Variants in DPYD observed in about 807,000 individuals in gnomAD.
DPYD encodes the protein dihydropyrimidine dehydrogenase, also known as dihydropyrimidine dehydrogenase [NADP(+)].
A neutral mutation model predicts 116.2 loss-of-function variants in DPYD; 109 were observed. The observed-to-expected ratio is 0.94, with a 90% CI of 0.80 to 1.10. The LOEUF (loss-of-function observed/expected upper bound fraction) is 1.10, where lower values mean the gene tolerates loss of function less well. DPYD is among the 50% of genes least tolerant of loss of function. DPYD has a pLI of 0.00. For missense variants in DPYD, 1,302 were observed against 1,254.5 expected (o/e 1.04, Z -0.57); for synonymous variants, 440 against 432.0 (o/e 1.02, Z -0.23).
chr1:97,846,071 T>C (rs1229125698), intron 2 of DPYD, among the ~76,000 whole-genome samples: 1 of 152,142 alleles, frequency 6.6e-6, no homozygotes, highest in Non-Finnish European at 1.5e-5. Flanking sequence ...AGACTGGTGG[T>C]GCGAGCCGAG....
At chr1:97,836,164 T>C (rs1345701006) in intron 2 of DPYD, among the ~76,000 whole-genome samples, 1 of 152,142 alleles carries the variant, frequency 6.6e-6, no homozygotes. Context: ...GTATCAGGGA[T>C]GGGGTGCGGG....
At chr1:97,610,457 T>C (rs1011371237) in intron 8 of DPYD, among the ~76,000 whole-genome samples, 2 of 152,052 alleles carry the variant, frequency 1.3e-5, no homozygotes, top group East Asian at 3.9e-4. Flanking sequence ...AAGGAGATTA[T>C]AGATTTGCAT....
At chr1:97,912,603 T>C (rs1322977405) in intron 1 of DPYD, among the ~76,000 whole-genome samples, 3 of 152,094 alleles carry the variant, frequency 2.0e-5, no homozygotes, top group Non-Finnish European at 4.4e-5. Context: ...TTGATTTTAG[T>C]TTTTTGTATG....
chr1:97,721,817 G>C, intron 4 of DPYD, 146 bp from the exon 5 acceptor site: 1 of 735,776 alleles, frequency 1.4e-6, no homozygotes, highest in Non-Finnish European at 2.2e-6. Context: ...ACTACTATCA[G>C]GAACCATCAA....
At chr1:97,574,079 T>A in intron 10 of DPYD, 109 bp from the exon 11 acceptor site, 4 of 1,516,304 alleles carry the variant, frequency 2.6e-6, no homozygotes, top group South Asian at 1.3e-5. Flanking sequence ...TAAGTCAATA[T>A]GCAGCTTTTT....
chr1:97,549,510 G>A (rs780020398), intron 12 of DPYD, 50 bp downstream of exon 12: 59 of 1,573,478 alleles, frequency 3.7e-5, no homozygotes, highest in Non-Finnish European at 4.8e-5. Context: ...AATAAATGAA[G>A]CACTTATCCA....
chr1:97,771,105 C>T (rs1571330482), intron 3 of DPYD, among the ~76,000 whole-genome samples: 2 of 151,900 alleles, frequency 1.3e-5, no homozygotes, highest in African/African-American at 4.8e-5. Context: ...ATCACCTGAG[C>T]TCAGGAGTTC....
chr1:97,405,675 C>T (rs1368615862), intron 14 of DPYD, among the ~76,000 whole-genome samples: 1 of 151,938 alleles, frequency 6.6e-6, no homozygotes, highest in Non-Finnish European at 1.5e-5. Flanking sequence ...ACCACCATGC[C>T]CAGCTAATTT....
chr1:97,869,882 T>G (rs140523224), intron 2 of DPYD, among the ~76,000 whole-genome samples: 3 of 151,840 alleles, frequency 2.0e-5, no homozygotes, highest in Admixed American at 2.0e-4. Flanking sequence ...CTTGTGCACA[T>G]ATAAATTAAA....
intron 7 of DPYD, among the ~76,000 whole-genome samples, chr1:97,683,579 T>A (rs949111060): frequency 6.6e-6 from 1 of 151,868 alleles, no homozygotes; most frequent in Non-Finnish European, 1.5e-5. Flanking sequence ...CTTTGAAAAA[T>A]TAGGATATAA....
rs35346742 is a variant in DPYD, at chr1:97,825,563, T to C, written c.233+2551A>G. Among the ~76,000 whole-genome samples, 441 of 130,926 alleles carry C rather than the reference T, an allele frequency of 3.4e-3. 2 individuals are homozygous for C. Among genetic ancestry groups the C allele is most frequent in the Non-Finnish European group, 5.0e-3 (327 of 65,106 alleles). 85.9% of individuals were successfully genotyped at this position (130,926 alleles called of 152,430 possible). A position where few individuals can be genotyped will look rare whatever the true frequency, so the allele number is the denominator to read the frequency against. ...CCATGTTCTCACCCACAGGTGGGAA[T>C]TGAACAATGAGAACACTTGGACACA... On this transcript the variant is annotated intron_variant, in intron 3 of 22. Coordinates refer to ENST00000370192, the MANE Select transcript of DPYD (RefSeq NM_000110.4).
intron 1 of DPYD, among the ~76,000 whole-genome samples, chr1:97,897,370 C>T (rs1180936380): frequency 1.3e-5 from 2 of 151,792 alleles, no homozygotes; most frequent in Admixed American, 6.6e-5. Flanking sequence ...TGATGTGCCT[C>T]GGCGTTGTTT....
intron 5 of DPYD, among the ~76,000 whole-genome samples, chr1:97,712,653 G>T (rs1409967855): frequency 1.3e-5 from 2 of 151,848 alleles, no homozygotes; most frequent in Non-Finnish European, 2.9e-5. Context: ...TTTGTATCAG[G>T]TGTGTGTGGC....
intron 20 of DPYD, among the ~76,000 whole-genome samples, chr1:97,118,432 C>T (rs1228158352): frequency 6.6e-6 from 1 of 151,524 alleles, no homozygotes; most frequent in Non-Finnish European, 1.5e-5. Context: ...TTCCAACATA[C>T]AAAGCCATTT....
At position 97,507,626 on chromosome 1, in the gene DPYD, C is replaced by T. The variant is rs990067595; in HGVS notation, c.1740+8100G>A. Among the ~76,000 whole-genome samples the T allele has an allele frequency of 4.6e-5, 7 of 151,924 alleles. No individual in the cohort carries two copies. The East Asian group carries it at 1.4e-3, about 30-fold the overall frequency. On this transcript the variant is annotated intron_variant, in intron 13 of 22. Coordinates refer to ENST00000370192, the MANE Select transcript of DPYD (RefSeq NM_000110.4). The stretch of plus-strand genomic sequence containing the variant: ...TGTAATCCATAGAGAATTACCCAGG[C>T]TCTAAAATATTATTACATGACATGT...
chr1:97,536,475 G>A (rs1429820010), intron 12 of DPYD, among the ~76,000 whole-genome samples: 1 of 152,126 alleles, frequency 6.6e-6, no homozygotes, highest in Admixed American at 6.5e-5. Context: ...CTTCTCAGTT[G>A]GAAAGGTTTA....
At chr1:97,856,214 G>C (rs1435870643) in intron 2 of DPYD, 2 of 152,212 alleles carry the variant, frequency 1.3e-5, no homozygotes, top group South Asian at 4.1e-4. Context: ...ACAGAAAGGA[G>C]AGGCAAAATT....
intron 8 of DPYD, among the ~76,000 whole-genome samples, chr1:97,654,336 C>G (rs532464186): frequency 2.6e-5 from 4 of 152,076 alleles, no homozygotes; most frequent in African/African-American, 9.6e-5. Flanking sequence ...TCATTAGGAG[C>G]CAAACTATTT....
intron 18 of DPYD, among the ~76,000 whole-genome samples, chr1:97,282,648 ATG>A (rs1051900221): frequency 6.6e-6 from 1 of 152,064 alleles, no homozygotes; most frequent in Non-Finnish European, 1.5e-5. Flanking sequence ...TGCATGTTGC[ATG>A]GGTTTGGTGT....
Sources: allele counts gnomAD v4.1 joint callset (sites outside exome capture counted in the v4.1 genomes callset), GRCh38; gene constraint gnomAD v4.1.1; transcripts MANE v1.5; gene names NCBI Gene and HGNC (gene_info 2026-07-23, HGNC 2026-07-21).